Variants in FGF5 observed in about 807,000 individuals in gnomAD.
FGF5 encodes the protein fibroblast growth factor 5.
A neutral mutation model predicts 21.8 loss-of-function variants in FGF5; 23 were observed. The observed-to-expected ratio is 1.05, with a 90% CI of 0.76 to 1.49. The LOEUF (loss-of-function observed/expected upper bound fraction) is 1.49, where lower values mean the gene tolerates loss of function less well. FGF5 is among the 40% of genes most tolerant of loss of function. The pLI is 0.00. For synonymous variants in FGF5, 158 were observed against 124.0 expected (o/e 1.27, Z -1.82); for missense variants, 352 against 332.9 (o/e 1.06, Z -0.45).
intron 1 of FGF5, among the ~76,000 whole-genome samples, chr4:80,273,653 G>C (rs1208152765): frequency 6.6e-6 from 1 of 152,052 alleles, no homozygotes; most frequent in Admixed American, 6.5e-5. Flanking sequence ...TGGAAATATT[G>C]AGATGTTCTT....
At chr4:80,273,643 T>A (rs1346563597) in intron 1 of FGF5, among the ~76,000 whole-genome samples, 1 of 152,214 alleles carries the variant, frequency 6.6e-6, no homozygotes, top group Non-Finnish European at 1.5e-5. Flanking sequence ...ATATTATAGA[T>A]GGAAATATTG....
intron 1 of FGF5, among the ~76,000 whole-genome samples, chr4:80,270,884 T>G (rs912755483): frequency 6.6e-6 from 1 of 152,186 alleles, no homozygotes; most frequent in Non-Finnish European, 1.5e-5. Context: ...TCATGTGGAG[T>G]CATTAGACAG....
intron 2 of FGF5, among the ~76,000 whole-genome samples, chr4:80,284,802 CAAAGA>C (rs1208821053): frequency 6.6e-6 from 1 of 151,910 alleles, no homozygotes; most frequent in Non-Finnish European, 1.5e-5. Flanking sequence ...ATCAGTATTT[CAAAGA>C]AAAGTTTGGC....
rs1346178599 is a variant in FGF5 at position 80,290,091 on chromosome 4, C to A, written c.*3419C>A. The A allele has an allele frequency of 6.6e-6, 1 of 151,916 alleles. No individual in the cohort carries two copies. The highest frequency in any genetic ancestry group is 1.9e-4 in the East Asian group (1 of 5,174). 9.4% of individuals were successfully genotyped at this position (151,916 alleles called of 1,614,324 possible). ...TAACAAAACGAAACTATGGCACTAACCAAAAACTTGCATTCTGGCATAATT... is the reference window on the plus strand; with the variant it reads ...TAACAAAACGAAACTATGGCACTAAACAAAAACTTGCATTCTGGCATAATT... On this transcript the variant is annotated 3_prime_UTR_variant, in exon 3 of 3. Coordinates refer to ENST00000312465, the MANE Select transcript of FGF5 (RefSeq NM_004464.4).
At chr4:80,277,699 G>A (rs1171232716) in intron 2 of FGF5, among the ~76,000 whole-genome samples, 1 of 152,090 alleles carries the variant, frequency 6.6e-6, no homozygotes, top group African/African-American at 2.4e-5. Flanking sequence ...CTTGTAATTT[G>A]TGAGTTGCTT....
At chr4:80,275,062 T>A in intron 2 of FGF5, 50 bp downstream of exon 2, 1 of 749,008 alleles carries the variant, frequency 1.3e-6, no homozygotes, top group Non-Finnish European at 2.1e-6. Context: ...AGATTTTACA[T>A]TTGTAAAACA....
At chr4:80,270,556 CTTA>C (rs1720242009) in intron 1 of FGF5, among the ~76,000 whole-genome samples, 1 of 152,076 alleles carries the variant, frequency 6.6e-6, no homozygotes, top group South Asian at 2.1e-4. Flanking sequence ...TATATAAATC[CTTA>C]TTATGAGGAA....
rs1720815713 is a variant in FGF5 at position 80,288,816 on chromosome 4, T to C, written c.*2144T>C. ...TAGGCTACATTAAACTCAAATGTAA[T>C]AGTTTATCTTATACTCCTGGTTTGA... On this transcript the variant is annotated 3_prime_UTR_variant, in exon 3 of 3. Coordinates refer to ENST00000312465, the MANE Select transcript of FGF5 (RefSeq NM_004464.4). The C allele has an allele frequency of 6.6e-6, 1 of 152,640 alleles. No individual in the cohort carries two copies. Among genetic ancestry groups the C allele is most frequent in the Admixed American group, 6.5e-5 (1 of 15,274 alleles). The allele number at this position is 152,640 out of a possible 1,614,324, so 9.5% of individuals were successfully genotyped here.
At chr4:80,267,733 G>GATAGATAGA (rs1553910468) in intron 1 of FGF5, among the ~76,000 whole-genome samples, 15 of 151,066 alleles carry the variant, frequency 9.9e-5, no homozygotes, top group African/African-American at 2.7e-4. Context: ...ATACACATAG[G>GATAGATAGA]TAGATAGATA....
At chr4:80,285,859 C>CT (rs2109930229) in intron 2 of FGF5, among the ~76,000 whole-genome samples, 1 of 152,226 alleles carries the variant, frequency 6.6e-6, no homozygotes, top group South Asian at 2.1e-4. Flanking sequence ...AAAATGCAAG[C>CT]TTGTTTCAAA....
At chr4:80,281,724 C>T (rs947000776) in intron 2 of FGF5, among the ~76,000 whole-genome samples, 1 of 152,036 alleles carries the variant, frequency 6.6e-6, no homozygotes, top group African/African-American at 2.4e-5. Context: ...GGAACAAAAC[C>T]ACAAGAAGGG....
chr4:80,280,966 A>G (rs1000166696), intron 2 of FGF5, among the ~76,000 whole-genome samples: 4 of 152,124 alleles, frequency 2.6e-5, no homozygotes, highest in African/African-American at 9.7e-5. Flanking sequence ...AGTGAAGAAA[A>G]GAGATCCTGT....
rs1386333145 is a variant in FGF5 at position 80,266,834 on chromosome 4, T to A, written c.10T>A (p.Ser4Thr). Reference protein sequence around the residue: MSLSFLLLLFFSHL... With the variant: MSLTFLLLLFFSHL... The stretch of plus-strand genomic sequence containing the variant: ...CCCCGCGGCTGGAAGAATGAGCTTG[T>A]CCTTCCTCCTCCTCCTCTTCTTCAG... The change falls in exon 1 of 3, where the codon TCC (serine) becomes ACC (threonine). Residue 4 changes from serine (S) to threonine (T), a missense_variant. Coordinates refer to ENST00000312465, the MANE Select transcript of FGF5 (RefSeq NM_004464.4). The A allele has an allele frequency of 6.3e-7, 1 of 1,589,914 alleles. No homozygotes were observed. The highest frequency in any genetic ancestry group is 8.6e-7 in the Non-Finnish European group (1 of 1,169,374).
chr4:80,277,770 A>G (rs1332593127), intron 2 of FGF5, among the ~76,000 whole-genome samples: 2 of 152,122 alleles, frequency 1.3e-5, no homozygotes, highest in East Asian at 3.8e-4. Flanking sequence ...CTACAAAGCA[A>G]ATGTAAACTA....
At position 80,267,079 on chromosome 4, in the gene FGF5, G is replaced by A; in HGVS notation, c.255G>A (p.Gly85=). 1 of 1,614,218 alleles carries A rather than the reference G, an allele frequency of 6.2e-7. No individual in the cohort carries two copies. The highest frequency in any genetic ancestry group is 1.1e-5 in the South Asian group (1 of 91,090). ...EQSSFQWSPS[G]RRTGSLYCRV... ...GCAGTTTCCAGTGGAGCCCCTCGGGGCGCCGGACCGGCAGCCTCTACTGCA... is the reference window on the plus strand; with the variant it reads ...GCAGTTTCCAGTGGAGCCCCTCGGGACGCCGGACCGGCAGCCTCTACTGCA... Residue 85 remains glycine (G), a synonymous_variant, in exon 1 of 3, where the codon GGG becomes GGA. Coordinates refer to ENST00000312465, the MANE Select transcript of FGF5 (RefSeq NM_004464.4).
chr4:80,286,002 T>C (rs1488279113), intron 2 of FGF5, among the ~76,000 whole-genome samples: 2 of 152,210 alleles, frequency 1.3e-5, no homozygotes, highest in African/African-American at 2.4e-5. Context: ...TTTGTAACTA[T>C]ACATTTCAAA....
chr4:80,275,164 C>T (rs192638133), intron 2 of FGF5, 152 bp downstream of exon 2: 51 of 433,730 alleles, frequency 1.2e-4, no homozygotes, highest in African/African-American at 7.4e-4. Context: ...TAATTTTGTG[C>T]GCTTCCAGAA....
chr4:80,284,228 A>G (rs7659721), intron 2 of FGF5, among the ~76,000 whole-genome samples: 15,573 of 152,108 alleles, frequency 0.1, 2,162 homozygotes, highest in African/African-American at 0.31. Context: ...GAGGTCAGGA[A>G]TTCGAGACAA....
Position 80,286,600 on chromosome 4 carries a change from A to C in FGF5, c.735A>C (p.Pro245=). The change falls in exon 3 of 3, where the codon CCA becomes CCC. Residue 245 remains proline, a synonymous_variant. Transcript: ENST00000312465. ...AAAAGCCACCTAGCCCTATCAAGCCAAAGATTCCCCTTTCTGCACCTCGGA... is the reference window on the plus strand; with the variant it reads ...AAAAGCCACCTAGCCCTATCAAGCCCAAGATTCCCCTTTCTGCACCTCGGA... ...EKKKPPSPIK[P]KIPLSAPRKN... 1 of 1,614,082 alleles carries C rather than the reference A, an allele frequency of 6.2e-7. No individual in the cohort carries two copies. Among genetic ancestry groups the C allele is most frequent in the South Asian group, 1.1e-5 (1 of 91,082 alleles).
Sources: gnomAD v4.1 joint callset for allele counts (sites outside exome capture counted in the v4.1 genomes callset) on GRCh38, gnomAD v4.1.1 for gene constraint, MANE v1.5 for transcripts, NCBI Gene and HGNC (gene_info 2026-07-23, HGNC 2026-07-21) for gene names.